LAMA2: variants seen among roughly 807,000 people sequenced by gnomAD.
LAMA2 encodes the protein laminin subunit alpha-2.
A neutral mutation model predicts 364.8 loss-of-function variants in LAMA2; 269 were observed. The ratio of observed to expected loss-of-function variants is 0.74; its 90% confidence interval spans 0.67 to 0.82. The LOEUF (loss-of-function observed/expected upper bound fraction) is 0.82. Among genes scored for constraint, LAMA2 ranks in the 40% least tolerant of loss-of-function variants. The pLI is 0.00. For synonymous variants in LAMA2, 1,379 were observed against 1,370.6 expected, an observed-to-expected ratio of 1.01 and a Z score of -0.14; for missense variants, 3,807 against 3,873.2, an observed-to-expected ratio of 0.98 and a Z score of 0.45.
At chr6:129,194,293 G>A (rs971588291) in intron 12 of LAMA2, among the ~76,000 whole-genome samples, 1 of 151,780 alleles carries the variant, frequency 6.6e-6, no homozygotes, top group African/African-American at 2.4e-5. Flanking sequence ...TTATATGATG[G>A]CAACACTTAA....
At chr6:129,017,990 C>T (rs1424685437) in intron 1 of LAMA2, among the ~76,000 whole-genome samples, 2 of 151,462 alleles carry the variant, frequency 1.3e-5, no homozygotes, top group Non-Finnish European at 2.9e-5. Context: ...TTTCTGATGG[C>T]ATCTCTTTCC....
At chr6:129,394,890 G>C (rs572317619) in intron 37 of LAMA2, among the ~76,000 whole-genome samples, 1 of 152,290 alleles carries the variant, frequency 6.6e-6, no homozygotes, top group Non-Finnish European at 1.5e-5. Flanking sequence ...TTGAAATTCT[G>C]AGTGGTCCTG....
At chr6:129,084,657 C>T (rs1774266584) in intron 3 of LAMA2, among the ~76,000 whole-genome samples, 1 of 152,128 alleles carries the variant, frequency 6.6e-6, no homozygotes, top group Non-Finnish European at 1.5e-5. Flanking sequence ...AATCAGCTTT[C>T]AATAAGTGAA....
At chr6:129,327,167 G>T (rs1439373159) in intron 28 of LAMA2, among the ~76,000 whole-genome samples, 1 of 152,096 alleles carries the variant, frequency 6.6e-6, no homozygotes, top group Non-Finnish European at 1.5e-5. Flanking sequence ...AAAGCAGAGA[G>T]TCTCTTGATT....
At chr6:129,221,975 A>G (rs993548987) in intron 12 of LAMA2, among the ~76,000 whole-genome samples, 8 of 152,246 alleles carry the variant, frequency 5.3e-5, no homozygotes, top group Admixed American at 1.3e-4. Flanking sequence ...TTTATAAGCA[A>G]TAACATTTTT....
At chr6:129,445,978 G>C (rs1782352590) in intron 45 of LAMA2, among the ~76,000 whole-genome samples, 157 bp downstream of exon 45, 1 of 152,098 alleles carries the variant, frequency 6.6e-6, no homozygotes, top group Non-Finnish European at 1.5e-5. Context: ...GTGGGGGAGA[G>C]GTTAGTTTTG....
chr6:129,247,617 GA>G (rs1224469623), intron 12 of LAMA2, among the ~76,000 whole-genome samples: 1 of 152,170 alleles, frequency 6.6e-6, no homozygotes, highest in African/African-American at 2.4e-5. Flanking sequence ...ACAGTATCCT[GA>G]AAATTGTTTA....
intron 8 of LAMA2, among the ~76,000 whole-genome samples, chr6:129,161,991 A>G (rs1260796463): frequency 6.6e-6 from 1 of 152,190 alleles, no homozygotes; most frequent in East Asian, 1.9e-4. Flanking sequence ...TGATAGAATG[A>G]TATATATTCC....
At position 129,260,748 on chromosome 6, in the gene LAMA2, C is replaced by T; in HGVS notation, c.2134C>T (p.Pro712Ser). 2 of 1,612,710 alleles carry T rather than the reference C, an allele frequency of 1.2e-6. No homozygotes were observed. The highest frequency in any genetic ancestry group is 1.7e-4 in the Middle Eastern group (1 of 6,052). The change falls in exon 15 of 65, where the codon CCT becomes TCT. Residue 712 changes from proline to serine, a missense_variant. Pro to Ser is a moderately conservative substitution (Grantham distance 74). Transcript: ENST00000421865. ...SVNLESAVSY[P>S]TDGSIAAAVE... is the part of the protein sequence containing the mutation. ...TAACCTTGAATCCGCTGTCTCCTAT[C>T]CTACTGATGGAAGCATTGCAGCAGC...
rs1231302158 is a variant in LAMA2 at position 129,260,796 on chromosome 6, C to T, written c.2182C>T (p.Pro728Ser). The T allele has an allele frequency of 1.2e-6, 2 of 1,608,084 alleles. No homozygotes were observed. Among genetic ancestry groups the T allele is most frequent in the South Asian group, 2.2e-5 (2 of 90,974 alleles). ...AAAVEVCQCPPGYTGSSCESC... is the reference protein window; with the variant it reads ...AAAVEVCQCPSGYTGSSCESC... ...AGCTGTAGAAGTGTGTCAGTGCCCA[C>T]CAGGGTATACTGGCTCCTCTTGTGA... is the stretch of plus-strand genomic sequence containing the variant. The change falls in exon 15 of 65, where the codon CCA (proline) becomes TCA (serine). Residue 728 changes from proline (P) to serine (S), a missense_variant. Transcript: ENST00000421865.
At chr6:129,105,806 A>G (rs769593583) in intron 4 of LAMA2, among the ~76,000 whole-genome samples, 15 of 152,186 alleles carry the variant, frequency 9.9e-5, no homozygotes, top group Non-Finnish European at 2.1e-4. Flanking sequence ...GAGGAGGACG[A>G]ACTTTCTAGA....
intron 19 of LAMA2, among the ~76,000 whole-genome samples, chr6:129,288,805 G>C (rs916532766): frequency 1.3e-5 from 2 of 152,242 alleles, no homozygotes; most frequent in Admixed American, 1.3e-4. Context: ...AGATCAAATG[G>C]AAAGTGAATC....
chr6:129,195,704 AAATGCTTGGCAAATGTT>A (rs1321620537), intron 12 of LAMA2, among the ~76,000 whole-genome samples: 3 of 152,216 alleles, frequency 2.0e-5, no homozygotes, highest in African/African-American at 7.2e-5. Flanking sequence ...TTCATTTTCA[AAATGCTTGGCAAATGTT>A]AATGCTTGGT....
In LAMA2 at chr6:129,300,854, C is replaced by A. The variant is rs1773507516; in HGVS notation, c.3156C>A (p.Ser1052Arg). ...SKCAPNTWGH[S>R]ITTGCKACNC... The stretch of plus-strand genomic sequence containing the variant: ...GTGCACCCAATACCTGGGGCCACAG[C>A]ATTACCACTGGTTGTAAGGTGAGTG... The change falls in exon 22 of 65, where the codon AGC (serine) becomes AGA (arginine). Residue 1052 changes from serine (S) to arginine (R), a missense_variant. Transcript: ENST00000421865. 1 of 1,613,658 alleles carries A rather than the reference C, an allele frequency of 6.2e-7. No homozygotes were observed. The highest frequency in any genetic ancestry group is 8.5e-7 in the Non-Finnish European group (1 of 1,179,726).
chr6:129,072,602 CTGT>C (rs1773390160), intron 3 of LAMA2, among the ~76,000 whole-genome samples: 1 of 151,996 alleles, frequency 6.6e-6, no homozygotes, highest in South Asian at 2.1e-4. Context: ...CATCTGTTTT[CTGT>C]TTGTCTTATC....
At chr6:129,342,940 T>C (rs977890790) in intron 30 of LAMA2, among the ~76,000 whole-genome samples, 8 of 152,234 alleles carry the variant, frequency 5.3e-5, no homozygotes, top group Admixed American at 2.0e-4. Context: ...TTAAAGCAGG[T>C]GACTTATTGT....
chr6:129,335,602 A>G (rs1033840567), intron 29 of LAMA2, among the ~76,000 whole-genome samples: 1 of 152,164 alleles, frequency 6.6e-6, no homozygotes, highest in Non-Finnish European at 1.5e-5. Context: ...TCTATAACTG[A>G]TCATTGCTGT....
chr6:129,331,663 T>TC (rs369208346), intron 29 of LAMA2, among the ~76,000 whole-genome samples: 56 of 152,160 alleles, frequency 3.7e-4, no homozygotes, highest in Admixed American at 7.2e-4. Context: ...ACTTTTTTTT[T>TC]CCATCTTAAA....
chr6:128,892,515 G>A (rs1403160092), intron 1 of LAMA2, among the ~76,000 whole-genome samples: 1 of 151,818 alleles, frequency 6.6e-6, no homozygotes, highest in Non-Finnish European at 1.5e-5. Context: ...TAAATATATG[G>A]CATATAGTAA....
Sources: allele counts gnomAD v4.1 joint callset (sites outside exome capture counted in the v4.1 genomes callset), GRCh38; gene constraint gnomAD v4.1.1; transcripts MANE v1.5; gene names NCBI Gene and HGNC (gene_info 2026-07-23, HGNC 2026-07-21).